Variants in AMBRA1 observed in about 807,000 individuals in gnomAD.
The protein encoded by AMBRA1 is activating molecule in BECN1-regulated autophagy protein 1.
A neutral mutation model predicts 125.4 loss-of-function variants in AMBRA1; 47 were observed. The observed-to-expected ratio is 0.37, with a 90% CI of 0.30 to 0.48. AMBRA1 has a LOEUF of 0.48. Ranked by LOEUF, AMBRA1 falls within the 20% of genes least tolerant of loss-of-function variation. AMBRA1 has a pLI of 0.99. For synonymous variants in AMBRA1, 626 were observed against 655.5 expected (o/e 0.95, Z 0.69); for missense variants, 1,331 against 1,693.4 (o/e 0.79, Z 3.76).
At chr11:46,461,402 G>A (rs1949082831) in intron 11 of AMBRA1, among the ~76,000 whole-genome samples, 1 of 152,106 alleles carries the variant, frequency 6.6e-6, no homozygotes, top group Admixed American at 6.6e-5. Flanking sequence ...TAAAATTTCT[G>A]GGCATATGTT....
intron 15 of AMBRA1, among the ~76,000 whole-genome samples, chr11:46,414,649 G>A (rs767241078): frequency 6.6e-6 from 1 of 152,220 alleles, no homozygotes; most frequent in South Asian, 2.1e-4. Flanking sequence ...ATCAGTGGGG[G>A]TGCTGGCTGG....
chr11:46,508,155 A>G, intron 9 of AMBRA1, 36 bp downstream of exon 9: 1 of 1,610,602 alleles, frequency 6.2e-7, no homozygotes, highest in South Asian at 1.1e-5. Flanking sequence ...CAAGCTTGAG[A>G]GGAGAGGGAA....
At chr11:46,466,430 A>C (rs1398130584) in intron 11 of AMBRA1, among the ~76,000 whole-genome samples, 1 of 152,216 alleles carries the variant, frequency 6.6e-6, no homozygotes, top group Non-Finnish European at 1.5e-5. Context: ...ACTGGGCACC[A>C]ATGGCTACCT....
At chr11:46,433,047 T>C (rs1007367202) in intron 14 of AMBRA1, among the ~76,000 whole-genome samples, 6 of 152,236 alleles carry the variant, frequency 3.9e-5, no homozygotes, top group Non-Finnish European at 8.8e-5. Context: ...AAAGTCTTCA[T>C]CTTCCATCAT....
chr11:46,415,246 A>G (rs969341706), intron 15 of AMBRA1, among the ~76,000 whole-genome samples: 1 of 152,226 alleles, frequency 6.6e-6, no homozygotes, highest in Non-Finnish European at 1.5e-5. Flanking sequence ...ACCGCTCAAA[A>G]GACATGAATG....
At chr11:46,462,220 G>A (rs555914730) in intron 11 of AMBRA1, among the ~76,000 whole-genome samples, 6 of 152,306 alleles carry the variant, frequency 3.9e-5, no homozygotes, top group Admixed American at 6.5e-5. Context: ...AAGTGAGCAC[G>A]GCGGTGTAAG....
At chr11:46,402,180 G>T (rs1035410988) in intron 17 of AMBRA1, among the ~76,000 whole-genome samples, 2 of 152,148 alleles carry the variant, frequency 1.3e-5, no homozygotes, top group Non-Finnish European at 2.9e-5. Flanking sequence ...AGTTCCTGAA[G>T]GTCTTGGACT....
intron 11 of AMBRA1, among the ~76,000 whole-genome samples, chr11:46,479,946 A>C (rs754920235): frequency 1.3e-5 from 2 of 152,160 alleles, no homozygotes; most frequent in African/African-American, 2.4e-5. Flanking sequence ...GGCTAGAAGA[A>C]AGGTGTTGGC....
chr11:46,438,362 G>A (rs1282436630), intron 12 of AMBRA1, among the ~76,000 whole-genome samples: 1 of 152,158 alleles, frequency 6.6e-6, no homozygotes, highest in African/African-American at 2.4e-5. Context: ...GGAATGGGAG[G>A]GGTTAGAAAT....
chr11:46,566,930 A>G (rs1179339362), intron 1 of AMBRA1, among the ~76,000 whole-genome samples: 1 of 152,152 alleles, frequency 6.6e-6, no homozygotes, highest in Non-Finnish European at 1.5e-5. Context: ...AAAATGTAAG[A>G]ATATGAACCC....
rs754594941 is a variant in AMBRA1 at position 46,543,140 on chromosome 11, G to A, written c.877C>T (p.Arg293Trp). The A allele has an allele frequency of 1.6e-5, 25 of 1,565,660 alleles. No homozygotes were observed. Among genetic ancestry groups the A allele is most frequent in the Admixed American group, 5.7e-5 (3 of 52,182 alleles). ...RTSAYIRLRQRVSYPTAECCQ... is the reference protein window; with the variant it reads ...RTSAYIRLRQWVSYPTAECCQ... ...CACTCAGCTGTGGGGTAACTGACCC[G>A]CTGTCGGAGCCTGATGTAAGCGGAA... The change falls in exon 7 of 18, where the codon CGG becomes TGG. Residue 293 changes from arginine to tryptophan, a missense_variant. Coordinates refer to ENST00000683756, the MANE Select transcript of AMBRA1 (RefSeq NM_001387011.1).
At chr11:46,540,872 T>C (rs1565269710) in intron 7 of AMBRA1, among the ~76,000 whole-genome samples, 1 of 152,250 alleles carries the variant, frequency 6.6e-6, no homozygotes. Context: ...TTCTTTTGTA[T>C]TTCCCACAGT....
At chr11:46,545,471 A>T in intron 5 of AMBRA1, 133 bp downstream of exon 5, 1 of 1,061,550 alleles carries the variant, frequency 9.4e-7, no homozygotes, top group Middle Eastern at 3.2e-4. Context: ...CAAAAAAAAA[A>T]TAGGAGGAGC....
intron 12 of AMBRA1, among the ~76,000 whole-genome samples, chr11:46,439,374 G>C (rs1244245845): frequency 6.6e-6 from 1 of 151,988 alleles, no homozygotes; most frequent in Non-Finnish European, 1.5e-5. Flanking sequence ...ACAGAACAGA[G>C]AGTCCAGAAA....
chr11:46,493,233 A>G (rs1950525368), intron 11 of AMBRA1, among the ~76,000 whole-genome samples: 1 of 152,182 alleles, frequency 6.6e-6, no homozygotes, highest in African/African-American at 2.4e-5. Flanking sequence ...GGTGTGCACT[A>G]AGCTCCTAAT....
intron 1 of AMBRA1, among the ~76,000 whole-genome samples, chr11:46,588,775 CAAA>C (rs201030293): frequency 4.1e-5 from 4 of 97,964 alleles, no homozygotes; most frequent in Non-Finnish European, 4.4e-5. Context: ...AACTCCATCT[CAAA>C]AAAAAAAAAA....
At chr11:46,571,457 T>C (rs190904835) in intron 1 of AMBRA1, among the ~76,000 whole-genome samples, 2 of 152,168 alleles carry the variant, frequency 1.3e-5, no homozygotes, top group African/African-American at 4.8e-5. Flanking sequence ...GAAGGAGTGT[T>C]TGAGCCCTAA....
At chr11:46,535,259 C>T (rs1036396354) in intron 7 of AMBRA1, among the ~76,000 whole-genome samples, 5 of 152,118 alleles carry the variant, frequency 3.3e-5, no homozygotes, top group African/African-American at 1.2e-4. Context: ...ATACCAAAGA[C>T]AACAATTCCA....
At chr11:46,428,253 T>C (rs1043548145) in intron 14 of AMBRA1, among the ~76,000 whole-genome samples, 3 of 152,162 alleles carry the variant, frequency 2.0e-5, no homozygotes, top group East Asian at 3.9e-4. Flanking sequence ...TCCTACGAAC[T>C]ATTGATTTGT....
Sources: allele counts gnomAD v4.1 joint callset (sites outside exome capture counted in the v4.1 genomes callset), GRCh38; gene constraint gnomAD v4.1.1; transcripts MANE v1.5; gene names NCBI Gene and HGNC (gene_info 2026-07-23, HGNC 2026-07-21).